CD4: variants seen among roughly 807,000 people sequenced by gnomAD.
CD4 encodes CD4 molecule.
CD4 carries 25 observed loss-of-function variants against 50.5 expected under a neutral mutation model. The ratio of observed to expected loss-of-function variants is 0.49; its 90% CI spans 0.36 to 0.69. The LOEUF (loss-of-function observed/expected upper bound fraction) is 0.69. CD4 is among the 30% of genes least tolerant of loss of function. The pLI, the probability that CD4 is intolerant of heterozygous loss-of-function variation, is 0.00. For synonymous variants in CD4, 207 were observed against 221.9 expected, an observed-to-expected ratio of 0.93 and a Z score of 0.60; for missense variants, 456 against 548.5, an observed-to-expected ratio of 0.83 and a Z score of 1.68.
chr12:6,806,208 T>C lies in CD4; in HGVS notation c.214+5737T>C, dbSNP rs782383424. Among the ~76,000 whole-genome samples the C allele has an allele frequency of 3.6e-4, 54 of 150,584 alleles. 1 individual carries two copies. Among genetic ancestry groups the C allele is most frequent in the Non-Finnish European group, 6.6e-4 (45 of 67,712 alleles). ...ATACACAAGTATATACACATATATA[T>C]ACACATACAGGTGAATAGATGTATA... On this transcript the variant is annotated intron_variant, in intron 3 of 9. Transcript: ENST00000011653.
intron 1 of CD4, 60 bp from the exon 2 acceptor site, chr12:6,800,012 G>A (rs1228913701): frequency 9.9e-6 from 8 of 809,198 alleles, no homozygotes; most frequent in African/African-American, 1.7e-5. Context: ...GTTGTGTATC[G>A]CCCCTGTATA....
Position 6,817,117 on chromosome 12 carries a change from C to G in CD4, c.956-13C>G. The G allele has an allele frequency of 6.2e-7, 1 of 1,610,646 alleles. No individual in the cohort carries two copies. The highest frequency in any genetic ancestry group is 8.5e-7 in the Non-Finnish European group (1 of 1,176,906). On this transcript the variant is annotated splice_polypyrimidine_tract_variant and intron_variant, in intron 6 of 9. Transcript: ENST00000011653. ...TCTCAGGCCTTTGATCTCAGCCTCT[C>G]GTTCCTCTGCAGCCACTCAGCTCCA...
At chr12:6,796,570 G>A (rs1179213505) in intron 1 of CD4, among the ~76,000 whole-genome samples, 1 of 152,104 alleles carries the variant, frequency 6.6e-6, no homozygotes, top group Non-Finnish European at 1.5e-5. Context: ...CACTGCTCCA[G>A]TCCCATGTCA....
intron 1 of CD4, among the ~76,000 whole-genome samples, chr12:6,798,507 T>C (rs1405418270): frequency 6.6e-6 from 1 of 152,270 alleles, no homozygotes; most frequent in East Asian, 1.9e-4. Flanking sequence ...CCATTAAACC[T>C]TGATTCAATA....
intron 5 of CD4, 141 bp downstream of exon 5, chr12:6,815,133 T>C (rs1468721176): frequency 6.3e-6 from 4 of 636,266 alleles, no homozygotes; most frequent in Non-Finnish European, 1.1e-5. Context: ...AGCTGAGGCC[T>C]GTCTTGAAGG....
At chr12:6,815,640 A>G in intron 5 of CD4, 1 of 994,934 alleles carries the variant, frequency 1.0e-6, no homozygotes, top group South Asian at 1.3e-5. Context: ...ACTACCTCGT[A>G]TTAAGTTGAG....
At chr12:6,806,370 C>T (rs1374472169) in intron 3 of CD4, among the ~76,000 whole-genome samples, 1 of 151,548 alleles carries the variant, frequency 6.6e-6, no homozygotes, top group African/African-American at 2.4e-5. Context: ...CCTGTATTCC[C>T]AACGACACAG....
rs1555115053 is a variant in CD4 at position 6,800,381 on chromosome 12, A to G, written c.124A>G (p.Thr42Ala). Residue 42 changes from threonine to alanine, a missense_variant, in exon 3 of 10, where the codon ACA becomes GCA. Transcript: ENST00000011653. ...KKGDTVELTC[T>A]ASQKKSIQFH... ...AGGGGATACAGTGGAACTGACCTGT[A>G]CAGCTTCCCAGAAGAAGAGCATACA... The G allele has an allele frequency of 1.1e-5, 17 of 1,613,974 alleles. No homozygotes were observed. The highest frequency in any genetic ancestry group is 1.4e-5 in the Non-Finnish European group (17 of 1,179,954).
At position 6,789,631 on chromosome 12, in the gene CD4, A is replaced by G. The variant is rs1942089040; in HGVS notation, c.-99A>G. On this transcript the variant is annotated 5_prime_UTR_variant, in exon 1 of 10. Coordinates refer to ENST00000011653, the MANE Select transcript of CD4 (RefSeq NM_000616.5). Reference sequence around the variant, plus strand: ...CCTCACACAGATACGCCTGTTTGAGAAGCAGCGGGCAAGAAAGACGCAAGC... The same window carrying G: ...CCTCACACAGATACGCCTGTTTGAGGAGCAGCGGGCAAGAAAGACGCAAGC... 1 of 152,244 alleles carries G rather than the reference A, an allele frequency of 6.6e-6. No individual in the cohort carries two copies. Among genetic ancestry groups the G allele is most frequent in the South Asian group, 2.1e-4 (1 of 4,830 alleles). The allele number at this position is 152,244 out of a possible 1,614,324, so 9.4% of individuals were successfully genotyped here.
rs1487182568 is a variant in CD4 at position 6,799,991 on chromosome 12, C to T, written c.-67-81C>T. 9 of 698,256 alleles carry T rather than the reference C, an allele frequency of 1.3e-5. No homozygotes were observed. In the East Asian group the frequency reaches 2.1e-4, roughly 16 times the overall value. 43.3% of individuals were successfully genotyped at this position (698,256 alleles called of 1,614,324 possible). On this transcript the variant is annotated intron_variant, in intron 1 of 9. Transcript: ENST00000011653. ...GTTCACTAGGCTGGCTGCAAGGGTC[C>T]TGAGGGAGAGGTTGTGTATCGCCCC...
chr12:6,799,342 A>G (rs1156520548), intron 1 of CD4: 1 of 151,984 alleles, frequency 6.6e-6, no homozygotes, highest in Non-Finnish European at 1.5e-5. Context: ...AGCTTTAGCC[A>G]GCATGTGCCT....
At chr12:6,813,359 T>C (rs1289003167) in intron 3 of CD4, among the ~76,000 whole-genome samples, 1 of 152,078 alleles carries the variant, frequency 6.6e-6, no homozygotes, top group Non-Finnish European at 1.5e-5. Context: ...TGGCCTCATT[T>C]TCTTTTTTAA....
At chr12:6,794,528 T>G (rs1942305750) in intron 1 of CD4, among the ~76,000 whole-genome samples, 1 of 150,422 alleles carries the variant, frequency 6.6e-6, no homozygotes, top group African/African-American at 2.4e-5. Context: ...TGCGTCACCA[T>G]GCCCAGCTAA....
Position 6,800,389 on chromosome 12 carries a change from C to G in CD4, c.132C>G (p.Ser44=), listed in dbSNP as rs782280366. The change falls in exon 3 of 10, where the codon TCC becomes TCG. Residue 44 remains serine (S), a synonymous_variant. Transcript: ENST00000011653. The part of the protein sequence containing the change: ...GDTVELTCTA[S]QKKSIQFHWK... ...CAGTGGAACTGACCTGTACAGCTTC[C>G]CAGAAGAAGAGCATACAATTCCACT... 7 of 1,613,998 alleles carry G rather than the reference C, an allele frequency of 4.3e-6. No individual in the cohort carries two copies. The highest frequency in any genetic ancestry group is 5.9e-6 in the Non-Finnish European group (7 of 1,179,930).
Position 6,818,273 on chromosome 12 carries a change from C to A in CD4, c.1157-148C>A. Reference sequence around the variant, plus strand: ...CATAAAACCGATTCCCCAGCACTGGCGGCCTTTGAGAGCCCCCAGGCACCC... The same window carrying A: ...CATAAAACCGATTCCCCAGCACTGGAGGCCTTTGAGAGCCCCCAGGCACCC... On this transcript the variant is annotated intron_variant, in intron 7 of 9. Coordinates refer to ENST00000011653, the MANE Select transcript of CD4 (RefSeq NM_000616.5). The surrounding 1 kb of genome is among the most constrained non-coding windows in gnomAD (Gnocchi z 5.0). The A allele has an allele frequency of 1.2e-6, 1 of 868,190 alleles. No individual in the cohort carries two copies. The highest frequency in any genetic ancestry group is 1.8e-6 in the Non-Finnish European group (1 of 561,430). The allele number at this position is 868,190 out of a possible 1,614,324, so 53.8% of individuals were successfully genotyped here.
At chr12:6,794,572 A>G (rs1000638657) in intron 1 of CD4, among the ~76,000 whole-genome samples, 1 of 151,696 alleles carries the variant, frequency 6.6e-6, no homozygotes, top group African/African-American at 2.4e-5. Context: ...GGATTTCACT[A>G]TGTTGGCCAG....
chr12:6,794,372 T>C (rs1464493763), intron 1 of CD4, among the ~76,000 whole-genome samples: 2 of 146,512 alleles, frequency 1.4e-5, no homozygotes, highest in Admixed American at 6.8e-5. Flanking sequence ...TGGACATATA[T>C]CTATCTTTTT....
chr12:6,804,111 AAAAT>A (rs141689932), intron 3 of CD4, among the ~76,000 whole-genome samples: 4,085 of 144,626 alleles, frequency 0.028, 72 homozygotes, highest in East Asian at 0.073. Flanking sequence ...ACTCTGTCTC[AAAAT>A]AAATAAATAA....
chr12:6,800,986 A>G (rs1482637111), intron 3 of CD4, among the ~76,000 whole-genome samples: 5 of 150,474 alleles, frequency 3.3e-5, no homozygotes, highest in African/African-American at 9.8e-5. Context: ...GCTCACTGCA[A>G]TCTCCACCTC....
Sources: gnomAD v4.1 joint callset for allele counts (sites outside exome capture counted in the v4.1 genomes callset) on GRCh38, gnomAD v4.1.1 for gene constraint, Gnocchi (gnomAD v3.1) non-coding constraint, MANE v1.5 for transcripts, NCBI Gene and HGNC (gene_info 2026-07-23, HGNC 2026-07-21) for gene names.